Variants in SPNS2 observed in about 807,000 individuals in gnomAD.
SPNS2 encodes SPNS lysolipid transporter 2, sphingosine-1-phosphate.
In SPNS2, 37 loss-of-function variants were observed where a neutral mutation model predicts 57.6. That is an observed-to-expected ratio of 0.64 (90% confidence interval 0.49 to 0.85). The LOEUF is 0.85. SPNS2 is among the 40% of genes least tolerant of loss of function. SPNS2 has a pLI of 0.00. For missense variants in SPNS2, 831 were observed against 779.1 expected (o/e 1.07, Z -0.79); for synonymous variants, 440 against 346.9 (o/e 1.27, Z -2.98).
intron 11 of SPNS2, 137 bp downstream of exon 11, chr17:4,536,563 G>T: frequency 2.6e-6 from 3 of 1,139,336 alleles, no homozygotes; most frequent in Non-Finnish European, 2.4e-6. Context: ...GGTTGCTGGG[G>T]TCCAGCCCTG....
rs200081709 is a variant in SPNS2, at chr17:4,536,883, G to A, written c.1608-17G>A. On this transcript the variant is annotated splice_polypyrimidine_tract_variant and intron_variant, in intron 11 of 12. Coordinates refer to ENST00000329078, the MANE Select transcript of SPNS2 (RefSeq NM_001124758.3). The stretch of plus-strand genomic sequence containing the variant: ...CCGCTGATGCACCACCCTGACCCCC[G>A]CCCGTCTCTCCCCCAGGGTGAACCA... 74 of 1,612,258 alleles carry A rather than the reference G, an allele frequency of 4.6e-5. No individual in the cohort carries two copies. The highest frequency in any genetic ancestry group is 1.8e-4 in the Middle Eastern group (1 of 5,650).
chr17:4,514,747 G>T (rs900344178), intron 2 of SPNS2, among the ~76,000 whole-genome samples: 1 of 152,254 alleles, frequency 6.6e-6, no homozygotes, highest in African/African-American at 2.4e-5. Flanking sequence ...GCCTGAGACA[G>T]GTTCCTCTAG....
In SPNS2 at chr17:4,536,451, T is replaced by C. The variant is rs200910718; in HGVS notation, c.1607+25T>C. 1.1e-3 allele frequency: 1,722 copies of C among 1,579,820 alleles called. 3 individuals carry two copies. Among genetic ancestry groups the C allele is most frequent in the Non-Finnish European group, 1.4e-3 (1,642 of 1,164,290 alleles). On this transcript the variant is annotated intron_variant, in intron 11 of 12. Transcript: ENST00000329078. Reference sequence around the variant, plus strand: ...AGTGAGTGGGGGGGAGGGGAGGCCCTGCTGCACCGCCGGGAAGCAGGGACC... The same window carrying C: ...AGTGAGTGGGGGGGAGGGGAGGCCCCGCTGCACCGCCGGGAAGCAGGGACC...
chr17:4,499,299 A>G lies in SPNS2; in HGVS notation c.252A>G (p.Ala84=), dbSNP rs894658290. ...GCACCCCCGGCTGCGCAGCTACTGC[A>G]AAGGGCCCCGGCGCTCAGCAGCCCA... ...TPGTPGCAAT[A]KGPGAQQPKP... is the part of the protein sequence containing the mutation. The change falls in exon 1 of 13, where the codon GCA becomes GCG. Residue 84 remains alanine (A), a synonymous_variant. Coordinates refer to ENST00000329078, the MANE Select transcript of SPNS2 (RefSeq NM_001124758.3). This position sits in a 1 kb window ranked among gnomAD's most constrained non-coding sequence, Gnocchi z 5.2. 8.7e-6 allele frequency: 13 copies of G among 1,494,134 alleles called. No homozygotes were observed. In the Admixed American group the frequency reaches 2.4e-4, roughly 27 times the overall value. 92.6% of individuals were successfully genotyped at this position (1,494,134 alleles called of 1,614,324 possible).
chr17:4,531,156 G>A (rs771934379), intron 5 of SPNS2, 37 bp downstream of exon 5: 28 of 1,603,618 alleles, frequency 1.7e-5, no homozygotes, highest in Admixed American at 5.0e-5. Context: ...GACACCCTCC[G>A]GTCCAGACCT....
chr17:4,536,444 G>A lies in SPNS2; in HGVS notation c.1607+18G>A, dbSNP rs1294786691. The A allele has an allele frequency of 5.7e-6, 9 of 1,585,336 alleles. No individual in the cohort carries two copies. The highest frequency in any genetic ancestry group is 5.3e-5 in the African/African-American group (4 of 74,800). On this transcript the variant is annotated intron_variant, in intron 11 of 12. Transcript: ENST00000329078. Reference sequence around the variant, plus strand: ...GAGCAGCAGTGAGTGGGGGGGAGGGGAGGCCCTGCTGCACCGCCGGGAAGC... The same window carrying A: ...GAGCAGCAGTGAGTGGGGGGGAGGGAAGGCCCTGCTGCACCGCCGGGAAGC...
intron 4 of SPNS2, 126 bp downstream of exon 4, chr17:4,530,909 G>A: frequency 6.8e-7 from 1 of 1,468,560 alleles, no homozygotes; most frequent in South Asian, 1.3e-5. Flanking sequence ...CATGTGGGCG[G>A]TCAGCCTTTG....
intron 1 of SPNS2, among the ~76,000 whole-genome samples, chr17:4,506,969 G>A (rs1042306509): frequency 2.0e-5 from 3 of 152,190 alleles, no homozygotes; most frequent in Non-Finnish European, 2.9e-5. Flanking sequence ...GCGGGCAGAC[G>A]GGGGCAGGAT....
intron 3 of SPNS2, among the ~76,000 whole-genome samples, chr17:4,526,083 G>C (rs1905256714): frequency 6.6e-6 from 1 of 152,214 alleles, no homozygotes; most frequent in Non-Finnish European, 1.5e-5. Context: ...AGGAAGATTT[G>C]ACAGGAACTC....
chr17:4,503,497 C>A (rs1025360540), intron 1 of SPNS2, among the ~76,000 whole-genome samples: 12 of 152,218 alleles, frequency 7.9e-5, no homozygotes, highest in Non-Finnish European at 8.8e-5. Flanking sequence ...GCCAGAGCCA[C>A]CTCTGCCACC....
rs904683075 is a variant in SPNS2, at chr17:4,499,116, G to GCGGCGC, written c.79_84dup (p.Arg27_Arg28dup). 146 of 1,107,364 alleles carry GCGGCGC rather than the reference G, an allele frequency of 1.3e-4. No homozygotes were observed. The highest frequency in any genetic ancestry group is 3.1e-4 in the East Asian group (6 of 19,076). The allele number at this position is 1,107,364 out of a possible 1,614,324, so 68.6% of individuals were successfully genotyped here. ...AGGAGGAGGAGGCGGACGCGGAGCG[G>GCGGCGC]CGGCGCCGGCGCCGGGGGGCGCAGC... is the stretch of plus-strand genomic sequence containing the variant. On this transcript the variant is annotated inframe_insertion, in exon 1 of 13. Coordinates refer to ENST00000329078, the MANE Select transcript of SPNS2 (RefSeq NM_001124758.3). This position sits in a 1 kb window ranked among gnomAD's most constrained non-coding sequence, Gnocchi z 5.2.
chr17:4,498,908 C>T lies in SPNS2; in HGVS notation c.-140C>T, dbSNP rs1904354015. The T allele has an allele frequency of 5.7e-6, 2 of 351,700 alleles. No homozygotes were observed. The highest frequency in any genetic ancestry group is 8.0e-6 in the Non-Finnish European group (2 of 251,162). 21.8% of individuals were successfully genotyped at this position (351,700 alleles called of 1,614,324 possible). Reference sequence around the variant, plus strand: ...AGCGAGCTGAGCGGTGGCAGCGCCGCAGCCGGGGCCGGAGCGCAGGAGCCG... The same window carrying T: ...AGCGAGCTGAGCGGTGGCAGCGCCGTAGCCGGGGCCGGAGCGCAGGAGCCG... On this transcript the variant is annotated 5_prime_UTR_variant, in exon 1 of 13. Transcript: ENST00000329078.
Position 4,510,373 on chromosome 17 carries a change from G to A in SPNS2, c.371-2874G>A, listed in dbSNP as rs868810341. The stretch of plus-strand genomic sequence containing the variant: ...CCAGGACTTCCCAGAGACCTTAGAC[G>A]CCCATCTGGATGTGGAGGAATGTTC... On this transcript the variant is annotated intron_variant, in intron 1 of 12. Transcript: ENST00000329078. The surrounding 1 kb of genome is among the most constrained non-coding windows in gnomAD (Gnocchi z 4.4). Among the ~76,000 whole-genome samples, 2 of 152,128 alleles carry A rather than the reference G, an allele frequency of 1.3e-5. No homozygotes were observed. Among genetic ancestry groups the A allele is most frequent in the East Asian group, 1.9e-4 (1 of 5,190 alleles).
At chr17:4,509,863 G>A (rs1030353385) in intron 1 of SPNS2, among the ~76,000 whole-genome samples, 1 of 152,248 alleles carries the variant, frequency 6.6e-6, no homozygotes, top group Non-Finnish European at 1.5e-5. Context: ...TGCATCTGGG[G>A]TAGGAACCCC....
chr17:4,537,665 T>C lies in SPNS2; in HGVS notation c.*217T>C, dbSNP rs1483974788. ...GGATGTGTGTGTTGGAGCCACACGG[T>C]TGGACAGGTTCCCAGCCCTAGGTTT... On this transcript the variant is annotated 3_prime_UTR_variant, in exon 13 of 13. Transcript: ENST00000329078. 2 of 456,636 alleles carry C rather than the reference T, an allele frequency of 4.4e-6. No individual in the cohort carries two copies. Among genetic ancestry groups the C allele is most frequent in the African/African-American group, 2.0e-5 (1 of 50,080 alleles). The allele number at this position is 456,636 out of a possible 1,614,324, so 28.3% of individuals were successfully genotyped here.
At chr17:4,529,152 T>C (rs891351854) in intron 3 of SPNS2, among the ~76,000 whole-genome samples, 1 of 151,938 alleles carries the variant, frequency 6.6e-6, no homozygotes, top group African/African-American at 2.4e-5. Context: ...GCCAGGCTGG[T>C]CTTGAACTCC....
intron 2 of SPNS2, among the ~76,000 whole-genome samples, chr17:4,516,316 C>CAAAAAAAAAA (rs67710825): frequency 3.0e-5 from 2 of 67,492 alleles, no homozygotes; most frequent in African/African-American, 7.4e-5. Flanking sequence ...TCTATCTCCC[C>CAAAAAAAAAA]AAAAAAAAAA....
Position 4,533,792 on chromosome 17 carries a change from G to C in SPNS2, c.1283G>C (p.Cys428Ser). The change falls in exon 9 of 13, where the codon TGT (cysteine) becomes TCT (serine). Residue 428 changes from cysteine (C) to serine (S), a missense_variant. Cys to Ser is a moderately radical substitution (Grantham distance 112, BLOSUM62 -1). Transcript: ENST00000329078. The part of the protein sequence containing the change: ...AKSSIVGAYI[C>S]IFVGETLLFS... ...GCTTTGCCTTCTCCCCGGCAGATCT[G>C]TATCTTCGTCGGGGAGACGCTGCTG... The C allele has an allele frequency of 3.1e-6, 5 of 1,613,766 alleles. No homozygotes were observed. The highest frequency in any genetic ancestry group is 4.2e-6 in the Non-Finnish European group (5 of 1,180,008).
At chr17:4,532,452 G>C (rs1905529329) in intron 5 of SPNS2, 90 bp from the exon 6 acceptor site, 1 of 1,573,944 alleles carries the variant, frequency 6.4e-7, no homozygotes, top group Admixed American at 1.7e-5. Flanking sequence ...CTATGGCCCA[G>C]AGAAGGCATG....
Sources: allele counts gnomAD v4.1 joint callset (sites outside exome capture counted in the v4.1 genomes callset), GRCh38; gene constraint gnomAD v4.1.1; non-coding constraint Gnocchi (gnomAD v3.1); transcripts MANE v1.5; gene names NCBI Gene and HGNC (gene_info 2026-07-23, HGNC 2026-07-21).